The following ENPP6 variants were observed in gnomAD, a reference collection of about 807,000 sequenced individuals.
The protein encoded by ENPP6 is glycerophosphocholine cholinephosphodiesterase ENPP6.
ENPP6 carries 32 observed loss-of-function variants against 42.0 expected under a neutral mutation model. The ratio of observed to expected loss-of-function variants is 0.76; its 90% confidence interval spans 0.58 to 1.02. The LOEUF (loss-of-function observed/expected upper bound fraction) is 1.02. Among genes scored for constraint, ENPP6 ranks in the 50% least tolerant of loss-of-function variants. ENPP6 has a pLI of 0.00. For synonymous variants in ENPP6, 213 were observed against 216.0 expected (o/e 0.99, Z 0.12); for missense variants, 552 against 566.8 (o/e 0.97, Z 0.27).
rs151030639 is a variant in ENPP6 at position 184,117,790 on chromosome 4, G to A, written c.644C>T (p.Thr215Ile). 2.4e-4 allele frequency: 394 copies of A among 1,614,270 alleles called. No individual in the cohort carries two copies. The highest frequency in any genetic ancestry group is 3.1e-4 in the Non-Finnish European group (365 of 1,180,056). Residue 215 changes from threonine (T) to isoleucine (I), a missense_variant, in exon 4 of 8, where the codon ACT becomes ATT. Around this residue, in one of 2 missense-constraint regions of ENPP6, gnomAD observed 545 missense variants for 546.3 expected, o/e 1.00. Transcript: ENST00000296741. The part of the protein sequence containing the change: ...QRKDALKAVD[T>I]VLKYMTKWIQ... Reference sequence around the variant, plus strand: ...CCACTTGGTCATGTACTTCAGGACAGTGTCTACAGCCTTGAGGGCATCTTT... The same window carrying A: ...CCACTTGGTCATGTACTTCAGGACAATGTCTACAGCCTTGAGGGCATCTTT...
chr4:184,194,219 G>A (rs942955577), intron 1 of ENPP6, among the ~76,000 whole-genome samples: 11 of 152,256 alleles, frequency 7.2e-5, no homozygotes, highest in South Asian at 4.2e-4. Context: ...CGCAAGCGTC[G>A]CAGTGTGAGA....
At chr4:184,113,001 G>T (rs1424125349) in intron 5 of ENPP6, among the ~76,000 whole-genome samples, 192 bp from the exon 6 acceptor site, 1 of 152,224 alleles carries the variant, frequency 6.6e-6, no homozygotes, top group Non-Finnish European at 1.5e-5. Flanking sequence ...ATCCAGGAAG[G>T]CTGAAGATCC....
chr4:184,112,557 C>T (rs187075806), intron 6 of ENPP6, 115 bp downstream of exon 6: 5 of 1,289,202 alleles, frequency 3.9e-6, no homozygotes, highest in Middle Eastern at 2.0e-4. Flanking sequence ...ACGCAACAAA[C>T]GATGCCTAAG....
intron 7 of ENPP6, among the ~76,000 whole-genome samples, chr4:184,093,785 C>G (rs1301605107): frequency 6.6e-6 from 1 of 152,092 alleles, no homozygotes; most frequent in African/African-American, 2.4e-5. Context: ...TTACACTTCC[C>G]TATCCGAGGA....
chr4:184,098,623 G>C (rs912139223), intron 6 of ENPP6, among the ~76,000 whole-genome samples: 2 of 152,048 alleles, frequency 1.3e-5, no homozygotes, highest in Admixed American at 6.5e-5. Context: ...TCTTCCTTTG[G>C]GATGGGTTCC....
intron 2 of ENPP6, among the ~76,000 whole-genome samples, chr4:184,147,081 G>C (rs1736939840): frequency 6.6e-6 from 1 of 152,130 alleles, no homozygotes; most frequent in Non-Finnish European, 1.5e-5. Context: ...ACTCCGAATT[G>C]ATGTCCCTCT....
intron 1 of ENPP6, among the ~76,000 whole-genome samples, chr4:184,208,614 T>C (rs530353766): frequency 0.029 from 4,349 of 150,530 alleles, 101 homozygotes; most frequent in African/African-American, 0.059. Flanking sequence ...CGCTGATTGC[T>C]AGCACAGCGG....
chr4:184,091,437 G>A (rs749322132), intron 7 of ENPP6, 55 bp from the exon 8 acceptor site: 2 of 1,491,718 alleles, frequency 1.3e-6, no homozygotes, highest in Non-Finnish European at 1.8e-6. Flanking sequence ...GGCAGAGGTG[G>A]GCTGAACGCA....
chr4:184,190,229 T>C (rs1320997070), intron 1 of ENPP6, among the ~76,000 whole-genome samples: 1 of 152,240 alleles, frequency 6.6e-6, no homozygotes, highest in East Asian at 1.9e-4. Context: ...AGTACTGGAT[T>C]ACTCACCGAT....
chr4:184,097,499 A>G (rs1327314131), intron 6 of ENPP6, 131 bp from the exon 7 acceptor site: 2 of 1,325,056 alleles, frequency 1.5e-6, no homozygotes, highest in East Asian at 2.6e-5. Flanking sequence ...GACTGACCCA[A>G]CCTCCGCTGC....
chr4:184,113,896 TTCTTTTC>T (rs1339063584), intron 5 of ENPP6, among the ~76,000 whole-genome samples: 3 of 149,444 alleles, frequency 2.0e-5, no homozygotes, highest in African/African-American at 5.0e-5. Context: ...CTTCCTTTCT[TTCTTTTC>T]TTTCTTTCTT....
intron 6 of ENPP6, among the ~76,000 whole-genome samples, chr4:184,097,764 A>G (rs1295484847): frequency 6.6e-6 from 1 of 152,204 alleles, no homozygotes; most frequent in Non-Finnish European, 1.5e-5. Context: ...CCTGAGGATA[A>G]GAATGTCTTT....
chr4:184,162,334 A>G (rs915985204), intron 1 of ENPP6, among the ~76,000 whole-genome samples: 12 of 152,170 alleles, frequency 7.9e-5, no homozygotes, highest in African/African-American at 2.9e-4. Context: ...CTTCAAATGC[A>G]TGACTATTGT....
Position 184,130,959 on chromosome 4 carries a change from G to A in ENPP6, c.422-6687C>T, listed in dbSNP as rs552765609. ...GGGTCATTGCCAGTGTTCAAATATA[G>A]TAGATAATGCCGACAGAAACATTTC... On this transcript the variant is annotated intron_variant, in intron 2 of 7. Transcript: ENST00000296741. Among the ~76,000 whole-genome samples the A allele has an allele frequency of 2.0e-5, 3 of 152,262 alleles. No individual in the cohort carries two copies. The East Asian group carries it at 5.8e-4, about 29-fold the overall frequency.
Position 184,119,312 on chromosome 4 carries a change from GGTGTGTGTGTGTGTGTGTGT to G in ENPP6, c.534-1432_534-1413del, listed in dbSNP as rs6148837. ...ATCATTCTCCATCCTTCTGTTTCTT[GGTGTGTGTGTGTGTGTGTGT>G]GTGTGTGTGTGTGTGTGTGTGTGTG... On this transcript the variant is annotated intron_variant, in intron 3 of 7. Transcript: ENST00000296741. Among the ~76,000 whole-genome samples the G allele has an allele frequency of 1.8e-3, 256 of 144,146 alleles. 1 individual carries two copies. The highest frequency in any genetic ancestry group is 7.5e-3 in the East Asian group (37 of 4,952). The allele number at this position is 144,146 out of a possible 152,430, so 94.6% of individuals were successfully genotyped here. A position where few individuals can be genotyped will look rare whatever the true frequency, so the allele number is the denominator to read the frequency against.
At chr4:184,161,347 C>T (rs1737253651) in intron 1 of ENPP6, among the ~76,000 whole-genome samples, 1 of 152,200 alleles carries the variant, frequency 6.6e-6, no homozygotes, top group Non-Finnish European at 1.5e-5. Context: ...GCAATACCAC[C>T]TTACTCCTGC....
chr4:184,142,818 G>A (rs953789333), intron 2 of ENPP6, among the ~76,000 whole-genome samples: 4 of 152,294 alleles, frequency 2.6e-5, no homozygotes, highest in African/African-American at 4.8e-5. Flanking sequence ...CAAAGGCCGC[G>A]CTTTCATCTC....
At chr4:184,198,008 G>C (rs944241119) in intron 1 of ENPP6, among the ~76,000 whole-genome samples, 2 of 152,196 alleles carry the variant, frequency 1.3e-5, no homozygotes, top group Non-Finnish European at 2.9e-5. Flanking sequence ...GGCGAGAGAG[G>C]CATCCAGTAT....
chr4:184,135,463 T>G (rs1736716869), intron 2 of ENPP6, among the ~76,000 whole-genome samples: 1 of 152,224 alleles, frequency 6.6e-6, no homozygotes, highest in Non-Finnish European at 1.5e-5. Flanking sequence ...AAAAACATTC[T>G]AGCATTAGAG....
Sources: allele counts gnomAD v4.1 joint callset (sites outside exome capture counted in the v4.1 genomes callset), GRCh38; gene constraint gnomAD v4.1.1; regional missense constraint gnomAD v4.1.1; transcripts MANE v1.5; gene names NCBI Gene and HGNC (gene_info 2026-07-23, HGNC 2026-07-21).